Variants in ZFPM2 observed in about 807,000 individuals in gnomAD.
The protein encoded by ZFPM2 is zinc finger protein, FOG family member 2.
In ZFPM2, 20 loss-of-function variants were observed where a neutral mutation model predicts 98.6. The observed-to-expected ratio is 0.20, with a 90% CI of 0.14 to 0.29. ZFPM2 has a LOEUF of 0.29. Among genes scored for constraint, ZFPM2 ranks in the 10% least tolerant of loss-of-function variants. The probability of loss-of-function intolerance (pLI) is 1.00; values close to 1 mark genes in which losing one functional copy is unlikely to be tolerated. For missense variants in ZFPM2, 1,310 were observed against 1,388.6 expected (o/e 0.94, Z 0.90); for synonymous variants, 518 against 502.7 (o/e 1.03, Z -0.41).
intron 2 of ZFPM2, among the ~76,000 whole-genome samples, chr8:105,433,988 A>G (rs1246971181): frequency 6.6e-6 from 1 of 152,296 alleles, no homozygotes; most frequent in South Asian, 2.1e-4. Context: ...ATTTTGTCAG[A>G]TAGGAAAGCC....
At chr8:105,576,532 C>T (rs1233924590) in intron 4 of ZFPM2, among the ~76,000 whole-genome samples, 1 of 152,026 alleles carries the variant, frequency 6.6e-6, no homozygotes, top group Non-Finnish European at 1.5e-5. Context: ...TTAACTCAGA[C>T]TCTTAACTAT....
At chr8:105,489,545 C>T (rs1196999106) in intron 3 of ZFPM2, among the ~76,000 whole-genome samples, 1 of 148,796 alleles carries the variant, frequency 6.7e-6, no homozygotes, top group African/African-American at 2.5e-5. Flanking sequence ...CTCACTGCAG[C>T]CTCTGCCTCA....
chr8:105,609,435 A>G (rs1254728913), intron 4 of ZFPM2, among the ~76,000 whole-genome samples: 1 of 152,098 alleles, frequency 6.6e-6, no homozygotes, highest in African/African-American at 2.4e-5. Flanking sequence ...GTGTGGAGGC[A>G]GTGGGAAGTG....
At chr8:105,728,152 G>T (rs368438713) in intron 5 of ZFPM2, among the ~76,000 whole-genome samples, 5 of 151,560 alleles carry the variant, frequency 3.3e-5, no homozygotes, top group Non-Finnish European at 7.4e-5. Context: ...ATTAGAGAAG[G>T]TATTGTAATT....
At chr8:105,417,839 G>A (rs907853852) in intron 1 of ZFPM2, among the ~76,000 whole-genome samples, 7 of 151,946 alleles carry the variant, frequency 4.6e-5, no homozygotes, top group African/African-American at 1.5e-4. Flanking sequence ...TTGGAATTAG[G>A]GCATCCTTTT....
At chr8:105,448,644 G>A (rs1161183195) in intron 3 of ZFPM2, among the ~76,000 whole-genome samples, 2 of 151,968 alleles carry the variant, frequency 1.3e-5, no homozygotes, top group South Asian at 2.1e-4. Context: ...ACTACAGAAC[G>A]AAGTGTACAG....
intron 4 of ZFPM2, among the ~76,000 whole-genome samples, chr8:105,610,299 A>G (rs1051918877): frequency 3.3e-5 from 5 of 152,172 alleles, no homozygotes; most frequent in African/African-American, 1.2e-4. Context: ...TAAAAACAGA[A>G]TAAGATTCAT....
chr8:105,619,278 T>A (rs1373184346), intron 4 of ZFPM2, among the ~76,000 whole-genome samples: 7 of 152,254 alleles, frequency 4.6e-5, no homozygotes, highest in African/African-American at 1.7e-4. Context: ...CCATCAAATA[T>A]GTGTTGCACC....
intron 1 of ZFPM2, among the ~76,000 whole-genome samples, chr8:105,330,130 T>C (rs1586295493): frequency 6.6e-6 from 1 of 151,684 alleles, no homozygotes; most frequent in East Asian, 1.9e-4. Context: ...GTGTTAGCCA[T>C]AAAAATTAGT....
chr8:105,638,477 G>T (rs1429830451), intron 5 of ZFPM2, among the ~76,000 whole-genome samples: 1 of 152,028 alleles, frequency 6.6e-6, no homozygotes, highest in South Asian at 2.1e-4. Context: ...TGCCACAATT[G>T]TATTTATTTG....
At chr8:105,580,845 A>ATATATATATAT (rs1554619095) in intron 4 of ZFPM2, among the ~76,000 whole-genome samples, 1 of 119,934 alleles carries the variant, frequency 8.3e-6, no homozygotes, top group Admixed American at 8.9e-5. Context: ...ATATATATAT[A>ATATATATATAT]AATCACTGAG....
chr8:105,320,368 CTA>C (rs1197913996), intron 1 of ZFPM2, among the ~76,000 whole-genome samples: 2 of 151,868 alleles, frequency 1.3e-5, no homozygotes, highest in Non-Finnish European at 2.9e-5. Flanking sequence ...AGTTCTCACT[CTA>C]TGCAACTTGG....
intron 2 of ZFPM2, among the ~76,000 whole-genome samples, chr8:105,421,458 A>G (rs1257599010): frequency 6.6e-6 from 1 of 152,112 alleles, no homozygotes; most frequent in Non-Finnish European, 1.5e-5. Flanking sequence ...TAATATTACT[A>G]TTGATAGGAA....
intron 2 of ZFPM2, among the ~76,000 whole-genome samples, chr8:105,440,089 T>C (rs891944437): frequency 6.6e-6 from 1 of 152,242 alleles, no homozygotes; most frequent in African/African-American, 2.4e-5. Flanking sequence ...TTATATTCTT[T>C]GTATATCAGT....
intron 3 of ZFPM2, among the ~76,000 whole-genome samples, chr8:105,508,799 A>AT (rs33966531): frequency 0.37 from 53,099 of 142,894 alleles, 11,327 homozygotes; most frequent in African/African-American, 0.62. Flanking sequence ...AAACGTTCAG[A>AT]TTTTTTTTTT....
At chr8:105,669,566 A>C (rs1817551175) in intron 5 of ZFPM2, among the ~76,000 whole-genome samples, 1 of 140,808 alleles carries the variant, frequency 7.1e-6, no homozygotes, top group Non-Finnish European at 1.6e-5. Flanking sequence ...GTGTGTGTGT[A>C]AATAAAGATT....
intron 5 of ZFPM2, among the ~76,000 whole-genome samples, chr8:105,670,469 C>T (rs1403369655): frequency 7.9e-6 from 1 of 126,570 alleles, no homozygotes; most frequent in Non-Finnish European, 1.6e-5. Flanking sequence ...GCACTCCAGC[C>T]TGGGCGACAG....
intron 4 of ZFPM2, among the ~76,000 whole-genome samples, chr8:105,626,230 C>T (rs762705817): frequency 1.3e-5 from 2 of 152,096 alleles, no homozygotes; most frequent in East Asian, 1.9e-4. Flanking sequence ...AAAATTCAAT[C>T]GTATAAGGTC....
At chr8:105,426,461 C>G (rs1563653191) in intron 2 of ZFPM2, among the ~76,000 whole-genome samples, 1 of 152,078 alleles carries the variant, frequency 6.6e-6, no homozygotes, top group Non-Finnish European at 1.5e-5. Context: ...TTGGCAGGAA[C>G]CTCCCTTCCC....
Sources: allele counts gnomAD v4.1 joint callset (sites outside exome capture counted in the v4.1 genomes callset), GRCh38; gene constraint gnomAD v4.1.1; transcripts MANE v1.5; gene names NCBI Gene and HGNC (gene_info 2026-07-23, HGNC 2026-07-21).